Variants in NRP2 observed in about 807,000 individuals in gnomAD.
NRP2 encodes the protein neuropilin-2.
A neutral mutation model predicts 110.4 loss-of-function variants in NRP2; 52 were observed. The observed-to-expected ratio is 0.47, with a 90% CI of 0.38 to 0.59. The LOEUF (loss-of-function observed/expected upper bound fraction) is 0.59. Among genes scored for constraint, NRP2 ranks in the 20% least tolerant of loss-of-function variants. The probability of loss-of-function intolerance (pLI) is 0.00; values close to 1 mark genes in which losing one functional copy is unlikely to be tolerated. For synonymous variants in NRP2, 508 were observed against 468.9 expected (o/e 1.08, Z -1.08); for missense variants, 1,049 against 1,203.0 (o/e 0.87, Z 1.89).
chr2:205,710,752 T>C (rs1290843819), intron 2 of NRP2, among the ~76,000 whole-genome samples: 1 of 152,196 alleles, frequency 6.6e-6, no homozygotes, highest in Non-Finnish European at 1.5e-5. Context: ...TTCCTCCTAA[T>C]TTCCTCACAG....
In NRP2 at chr2:205,726,089, G is replaced by A; in HGVS notation, c.990+7G>A. 1.2e-6 allele frequency: 2 copies of A among 1,614,146 alleles called. No individual in the cohort carries two copies. The highest frequency in any genetic ancestry group is 1.7e-6 in the Non-Finnish European group (2 of 1,179,960). On this transcript the variant is annotated splice_region_variant and intron_variant, in intron 6 of 16. Coordinates refer to ENST00000357785, the MANE Select transcript of NRP2 (RefSeq NM_003872.3). ...CAACAAGGAGTATCTCCAGGTACTTGTGCAGATACCAGAGGATGTGAGAGT... is the reference window on the plus strand; with the variant it reads ...CAACAAGGAGTATCTCCAGGTACTTATGCAGATACCAGAGGATGTGAGAGT...
intron 14 of NRP2, among the ~76,000 whole-genome samples, chr2:205,765,883 C>T (rs535225448): frequency 5.9e-5 from 9 of 152,198 alleles, no homozygotes; most frequent in African/African-American, 1.2e-4. Flanking sequence ...TGCTAGAGGA[C>T]GAGAGCAACT....
chr2:205,763,553 C>A lies in NRP2; in HGVS notation c.2045-121C>A. On this transcript the variant is annotated intron_variant, in intron 12 of 16. Coordinates refer to ENST00000357785, the MANE Select transcript of NRP2 (RefSeq NM_003872.3). This position sits in a 1 kb window ranked among gnomAD's most constrained non-coding sequence, Gnocchi z 4.0. ...GGTCACAGAGCCTGGAGAACAAGGA[C>A]ATGAATAAACCAAAGACACCGAAAC... 7.8e-7 allele frequency: 1 copy of A among 1,277,816 alleles called. No individual in the cohort carries two copies. The highest frequency in any genetic ancestry group is 1.1e-6 in the Non-Finnish European group (1 of 876,872). 79.2% of individuals were successfully genotyped at this position (1,277,816 alleles called of 1,614,324 possible). A position where few individuals can be genotyped will look rare whatever the true frequency, so the allele number is the denominator to read the frequency against.
At chr2:205,773,124 T>G (rs925694528) in intron 15 of NRP2, among the ~76,000 whole-genome samples, 3 of 152,344 alleles carry the variant, frequency 2.0e-5, no homozygotes, top group Middle Eastern at 3.4e-3. Context: ...CTTCCTTTTC[T>G]CTAGTTGGCA....
chr2:205,795,052 G>A lies in NRP2; in HGVS notation c.2775G>A (p.Glu925=). The A allele has an allele frequency of 6.2e-7, 1 of 1,613,944 alleles. No individual in the cohort carries two copies. ...TGAACCACCAAAAGTGCTGCTCCGA[G>A]GCATGACGGATTGCACCTGAATCCT... ...VKMNHQKCCS[E]A Residue 925 remains glutamate (E), a synonymous_variant, in exon 17 of 17, where the codon GAG becomes GAA. Coordinates refer to ENST00000357785, the MANE Select transcript of NRP2 (RefSeq NM_003872.3).
At chr2:205,760,766 G>A (rs2057808395) in intron 12 of NRP2, 1 of 152,146 alleles carries the variant, frequency 6.6e-6, no homozygotes, top group Non-Finnish European at 1.5e-5. Context: ...ATTCAGCCCA[G>A]TTCTTCACAC....
intron 12 of NRP2, among the ~76,000 whole-genome samples, chr2:205,755,612 A>G (rs2057720364): frequency 1.4e-5 from 2 of 146,246 alleles, no homozygotes; most frequent in African/African-American, 5.3e-5. Flanking sequence ...TCCATAGGGA[A>G]AAAAAAAAAA....
Sources: gnomAD v4.1 joint callset for allele counts (sites outside exome capture counted in the v4.1 genomes callset) on GRCh38, gnomAD v4.1.1 for gene constraint, Gnocchi (gnomAD v3.1) non-coding constraint, MANE v1.5 for transcripts, NCBI Gene and HGNC (gene_info 2026-07-23, HGNC 2026-07-21) for gene names.